ASXL3: variants seen among roughly 807,000 people sequenced by gnomAD.
ASXL3 encodes the protein putative Polycomb group protein ASXL3.
A neutral mutation model predicts 170.6 loss-of-function variants in ASXL3; 34 were observed. The observed-to-expected ratio is 0.20, with a 90% CI of 0.15 to 0.27. ASXL3 has a LOEUF of 0.27. ASXL3 is among the 10% of genes least tolerant of loss of function. The pLI is 1.00. For synonymous variants in ASXL3, 1,002 were observed against 989.1 expected (o/e 1.01, Z -0.24); for missense variants, 2,592 against 2,695.3 (o/e 0.96, Z 0.85).
chr18:33,734,141 A>AGCATTTAGCTTTAGCATT (rs1555741115), intron 9 of ASXL3, among the ~76,000 whole-genome samples, 169 bp from the exon 10 acceptor site: 37 of 151,712 alleles, frequency 2.4e-4, no homozygotes, highest in African/African-American at 7.8e-4. Flanking sequence ...ATTTTTATGA[A>AGCATTTAGCTTTAGCATT]CATCTTGAGT....
At chr18:33,670,882 G>T in intron 6 of ASXL3, 92 bp downstream of exon 6, 1 of 741,358 alleles carries the variant, frequency 1.3e-6, no homozygotes, top group Non-Finnish European at 2.1e-6. Context: ...TTCTGAAACT[G>T]AATAATACTT....
At position 33,743,860 on chromosome 18, in the gene ASXL3, T is replaced by A. The variant is rs2067713370; in HGVS notation, c.4012T>A (p.Tyr1338Asn). The change falls in exon 12 of 12, where the codon TAC (tyrosine) becomes AAC (asparagine). Residue 1338 changes from tyrosine (Y) to asparagine (N), a missense_variant. By Grantham distance (143) the Tyr-to-Asn change is moderately radical. Transcript: ENST00000269197. The stretch of plus-strand genomic sequence containing the variant: ...TGCTAGTAACTTAGTCTCCACTCAG[T>A]ACACCTCTGTGCCAACTCCCTCCAT... The part of the protein sequence containing the change: ...SSASNLVSTQ[Y>N]TSVPTPSIGN... 6.2e-7 allele frequency: 1 copy of A among 1,613,932 alleles called. No homozygotes were observed. The highest frequency in any genetic ancestry group is 1.3e-5 in the African/African-American group (1 of 74,944).
intron 8 of ASXL3, among the ~76,000 whole-genome samples, chr18:33,720,658 T>G (rs565780235): frequency 7.8e-4 from 119 of 152,230 alleles, no homozygotes; most frequent in African/African-American, 2.7e-3. Context: ...CAAGTTTGTT[T>G]GTCATGAAGT....
chr18:33,646,093 A>G (rs1397251141), intron 3 of ASXL3, among the ~76,000 whole-genome samples, 152 bp from the exon 4 acceptor site: 1 of 151,546 alleles, frequency 6.6e-6, no homozygotes, highest in Non-Finnish European at 1.5e-5. Flanking sequence ...TTTTTTTTTA[A>G]TGGAAGAATG....
At chr18:33,673,874 A>G (rs536119984) in intron 7 of ASXL3, among the ~76,000 whole-genome samples, 9 of 152,346 alleles carry the variant, frequency 5.9e-5, no homozygotes, top group African/African-American at 1.9e-4. Flanking sequence ...AAATTAAAAG[A>G]TAATGAAAGA....
chr18:33,712,111 G>C (rs530006997), intron 8 of ASXL3, among the ~76,000 whole-genome samples: 2 of 152,096 alleles, frequency 1.3e-5, no homozygotes, highest in Non-Finnish European at 2.9e-5. Flanking sequence ...TGTTGTTGAT[G>C]CTCCAGTTGC....
At chr18:33,726,635 A>AT (rs1288005596) in intron 8 of ASXL3, among the ~76,000 whole-genome samples, 1 of 152,102 alleles carries the variant, frequency 6.6e-6, no homozygotes, top group African/African-American at 2.4e-5. Context: ...TGTTTCTTTT[A>AT]TTTTTTCCAG....
At chr18:33,615,156 A>G (rs568452080) in intron 2 of ASXL3, among the ~76,000 whole-genome samples, 3 of 152,108 alleles carry the variant, frequency 2.0e-5, no homozygotes, top group Non-Finnish European at 4.4e-5. Flanking sequence ...TAGAAAATCT[A>G]TTTCATATAG....
chr18:33,655,904 C>T (rs912494790), intron 4 of ASXL3, among the ~76,000 whole-genome samples: 9 of 152,102 alleles, frequency 5.9e-5, no homozygotes, highest in Non-Finnish European at 1.0e-4. Context: ...ATCGGTAGTT[C>T]TCCTCAGGTA....
At chr18:33,661,348 T>C (rs2066170849) in intron 4 of ASXL3, among the ~76,000 whole-genome samples, 1 of 152,188 alleles carries the variant, frequency 6.6e-6, no homozygotes, top group African/African-American at 2.4e-5. Context: ...GTCTATTTTT[T>C]ATGTCCATAC....
chr18:33,597,448 T>G (rs1403559470), intron 1 of ASXL3, among the ~76,000 whole-genome samples: 1 of 152,168 alleles, frequency 6.6e-6, no homozygotes, highest in Non-Finnish European at 1.5e-5. Flanking sequence ...CTTCATTTAT[T>G]TAACCATCTC....
In ASXL3 at chr18:33,746,249, T is replaced by G. The variant is rs374678174; in HGVS notation, c.6401T>G (p.Phe2134Cys). ...SYLLSEPQKP[F>C]TQLAAQKMQV... ...TTGCTTTCTGAGCCACAAAAGCCTTTTACCCAATTAGCTGCTCAGAAAATG... is the reference window on the plus strand; with the variant it reads ...TTGCTTTCTGAGCCACAAAAGCCTTGTACCCAATTAGCTGCTCAGAAAATG... Residue 2134 changes from phenylalanine to cysteine, a missense_variant, in exon 12 of 12, where the codon TTT (phenylalanine) becomes TGT (cysteine). Physicochemically the swap from Phe to Cys is radical, Grantham distance 205. Around this residue, in one of 4 missense-constraint regions of ASXL3, gnomAD observed 2,246 missense variants for 2,219.6 expected, o/e 1.01. Transcript: ENST00000269197. 33 of 1,613,872 alleles carry G rather than the reference T, an allele frequency of 2.0e-5. No homozygotes were observed. The highest frequency in any genetic ancestry group is 2.7e-5 in the Non-Finnish European group (32 of 1,179,902).
rs1599575532 is a variant in ASXL3 at position 33,744,911 on chromosome 18, G to A, written c.5063G>A (p.Gly1688Asp). 3.1e-6 allele frequency: 5 copies of A among 1,613,874 alleles called. No individual in the cohort carries two copies. In the African/African-American group the frequency reaches 6.7e-5, roughly 22 times the overall value. The part of the protein sequence containing the change: ...GFRMDTEDFP[G>D]PELPPPAAEG... ...AGAATGGACACTGAAGACTTCCCTGGCCCTGAGCTGCCTCCTCCGGCTGCA... is the reference window on the plus strand; with the variant it reads ...AGAATGGACACTGAAGACTTCCCTGACCCTGAGCTGCCTCCTCCGGCTGCA... The change falls in exon 12 of 12, where the codon GGC becomes GAC. Residue 1688 changes from glycine (G) to aspartate (D), a missense_variant. Gly to Asp is a moderately conservative substitution (Grantham distance 94, BLOSUM62 -1). Around this residue, in one of 4 missense-constraint regions of ASXL3, gnomAD observed 2,246 missense variants for 2,219.6 expected, o/e 1.01. Transcript: ENST00000269197.
chr18:33,666,879 G>A (rs1188414172), intron 5 of ASXL3, among the ~76,000 whole-genome samples: 1 of 152,202 alleles, frequency 6.6e-6, no homozygotes, highest in African/African-American at 2.4e-5. Context: ...GACCATAATG[G>A]CTAGGCTACA....
In ASXL3 at chr18:33,747,703, A is replaced by G. The variant is rs549955293; in HGVS notation, c.*1108A>G. 4.6e-5 allele frequency: 7 copies of G among 152,334 alleles called. No individual in the cohort carries two copies. The highest frequency in any genetic ancestry group is 1.7e-4 in the African/African-American group (7 of 41,578). The allele number at this position is 152,334 out of a possible 1,614,324, so 9.4% of individuals were successfully genotyped here. ...AGAACAATTGCTTTTCTCATTATTT[A>G]CAACCTATATAATTCAACTTTGAAA... On this transcript the variant is annotated 3_prime_UTR_variant, in exon 12 of 12. Coordinates refer to ENST00000269197, the MANE Select transcript of ASXL3 (RefSeq NM_030632.3).
intron 2 of ASXL3, among the ~76,000 whole-genome samples, chr18:33,637,898 C>T (rs1281687265): frequency 6.6e-6 from 1 of 152,096 alleles, no homozygotes. Context: ...CCTGTCATTT[C>T]ATATGTATTC....
intron 10 of ASXL3, among the ~76,000 whole-genome samples, chr18:33,736,980 GTTACATAC>G (rs2145408168): frequency 6.6e-6 from 1 of 152,222 alleles, no homozygotes; most frequent in East Asian, 1.9e-4. Flanking sequence ...ATTTCTGAAT[GTTACATAC>G]TTATTCTAGT....
intron 8 of ASXL3, among the ~76,000 whole-genome samples, chr18:33,698,616 T>C (rs2066814551): frequency 6.6e-6 from 1 of 152,214 alleles, no homozygotes; most frequent in South Asian, 2.1e-4. Flanking sequence ...AGAAGAGGGC[T>C]TAAGATGAAA....
chr18:33,612,330 G>GC, intron 2 of ASXL3, among the ~76,000 whole-genome samples: 1 of 152,140 alleles, frequency 6.6e-6, no homozygotes. Flanking sequence ...TTCATCAACT[G>GC]TTTAAAGAGA....
Sources: allele counts gnomAD v4.1 joint callset (sites outside exome capture counted in the v4.1 genomes callset), GRCh38; gene constraint gnomAD v4.1.1; regional missense constraint gnomAD v4.1.1; transcripts MANE v1.5; gene names NCBI Gene and HGNC (gene_info 2026-07-23, HGNC 2026-07-21).